FSTL5: variants seen among roughly 807,000 people sequenced by gnomAD.
FSTL5 encodes follistatin-related protein 5.
FSTL5 carries 62 observed loss-of-function variants against 89.1 expected under a neutral mutation model. That is an observed-to-expected ratio of 0.70 (90% CI 0.57 to 0.86). FSTL5 has a LOEUF of 0.86. FSTL5 is among the 40% of genes least tolerant of loss of function. The pLI, the probability that FSTL5 is intolerant of heterozygous loss-of-function variation, is 0.00. For missense variants in FSTL5, 1,057 were observed against 1,001.6 expected, an observed-to-expected ratio of 1.06 and a Z score of -0.75; for synonymous variants, 383 against 346.2, an observed-to-expected ratio of 1.11 and a Z score of -1.18.
At chr4:161,962,403 G>T (rs888980205) in intron 3 of FSTL5, among the ~76,000 whole-genome samples, 1 of 151,956 alleles carries the variant, frequency 6.6e-6, no homozygotes, top group Non-Finnish European at 1.5e-5. Flanking sequence ...GATGGTTCTT[G>T]TTGTGACATC....
intron 4 of FSTL5, among the ~76,000 whole-genome samples, chr4:161,918,964 T>C (rs1469296018): frequency 6.6e-6 from 1 of 152,098 alleles, no homozygotes; most frequent in Non-Finnish European, 1.5e-5. Context: ...TTAAATATTA[T>C]GTGTTTCCAT....
At chr4:162,146,839 G>T (rs1003243969) in intron 1 of FSTL5, among the ~76,000 whole-genome samples, 1 of 151,364 alleles carries the variant, frequency 6.6e-6, no homozygotes. Context: ...CGGGAGTGCA[G>T]TGTGGGATCT....
At chr4:161,451,400 G>T (rs1733158332) in intron 15 of FSTL5, among the ~76,000 whole-genome samples, 1 of 152,096 alleles carries the variant, frequency 6.6e-6, no homozygotes, top group Non-Finnish European at 1.5e-5. Flanking sequence ...AAAATTACAG[G>T]CACAGAAACA....
At chr4:162,158,477 G>A (rs559045514) in intron 1 of FSTL5, among the ~76,000 whole-genome samples, 1 of 152,042 alleles carries the variant, frequency 6.6e-6, no homozygotes, top group Admixed American at 6.6e-5. Context: ...AATAGTCTTG[G>A]GGAAATAATA....
chr4:161,750,441 A>G (rs1001670970), intron 6 of FSTL5, among the ~76,000 whole-genome samples: 2 of 152,172 alleles, frequency 1.3e-5, no homozygotes, highest in African/African-American at 4.8e-5. Flanking sequence ...TATGATAATA[A>G]TATTTTGGAC....
chr4:161,780,367 T>A (rs1288836394), intron 4 of FSTL5, among the ~76,000 whole-genome samples: 3 of 152,028 alleles, frequency 2.0e-5, no homozygotes, highest in African/African-American at 7.2e-5. Context: ...TTTGATAGAA[T>A]CATTTTCTCA....
At chr4:161,481,866 C>CA (rs1267315186) in intron 12 of FSTL5, among the ~76,000 whole-genome samples, 1 of 152,038 alleles carries the variant, frequency 6.6e-6, no homozygotes, top group Non-Finnish European at 1.5e-5. Flanking sequence ...TTCATATTGT[C>CA]AAAAAATGAT....
At position 162,105,614 on chromosome 4, in the gene FSTL5, ATAAT is replaced by A. The variant is rs576619124; in HGVS notation, c.126+5653_126+5656del. Among the ~76,000 whole-genome samples, 689 of 152,150 alleles carry A rather than the reference ATAAT, an allele frequency of 4.5e-3. 1 individual carries two copies. Among genetic ancestry groups the A allele is most frequent in the African/African-American group, 6.2e-3 (257 of 41,546 alleles). On this transcript the variant is annotated intron_variant, in intron 2 of 15. Transcript: ENST00000306100. ...GAAAAAAATAAAAAATTTTTCAAACATAATTTATTTTATTAGAAAAATTATGAGA... is the reference window on the plus strand; with the variant it reads ...GAAAAAAATAAAAAATTTTTCAAACATTATTTTATTAGAAAAATTATGAGA...
intron 15 of FSTL5, among the ~76,000 whole-genome samples, chr4:161,448,189 A>T (rs1052090881): frequency 1.3e-4 from 20 of 152,122 alleles, no homozygotes; most frequent in African/African-American, 4.6e-4. Flanking sequence ...GGATGAAAGG[A>T]GTTAAAACGC....
At chr4:161,555,180 T>C (rs750020588) in intron 8 of FSTL5, among the ~76,000 whole-genome samples, 16 of 151,504 alleles carry the variant, frequency 1.1e-4, no homozygotes, top group Non-Finnish European at 1.9e-4. Flanking sequence ...TCATATGACA[T>C]TGTAAGAAAT....
At chr4:162,007,846 T>A (rs1486293133) in intron 3 of FSTL5, among the ~76,000 whole-genome samples, 1 of 151,836 alleles carries the variant, frequency 6.6e-6, no homozygotes, top group Admixed American at 6.6e-5. Flanking sequence ...GAGCTGAGCA[T>A]GAAACAATCT....
chr4:161,413,621 T>C (rs1055754971), intron 15 of FSTL5, among the ~76,000 whole-genome samples: 1 of 152,114 alleles, frequency 6.6e-6, no homozygotes, highest in Non-Finnish European at 1.5e-5. Flanking sequence ...AGACATGAAC[T>C]CATATGTTTA....
chr4:162,091,994 A>G (rs1730568117), intron 2 of FSTL5, among the ~76,000 whole-genome samples: 1 of 151,594 alleles, frequency 6.6e-6, no homozygotes, highest in African/African-American at 2.4e-5. Context: ...ATATAAATAT[A>G]GAATTCTATA....
At chr4:161,765,440 T>C (rs1740959583) in intron 5 of FSTL5, among the ~76,000 whole-genome samples, 1 of 152,206 alleles carries the variant, frequency 6.6e-6, no homozygotes, top group Admixed American at 6.5e-5. Flanking sequence ...AATCAGAACC[T>C]TTTTACAAAT....
At chr4:161,466,422 C>T (rs554009159) in intron 13 of FSTL5, among the ~76,000 whole-genome samples, 9 of 152,234 alleles carry the variant, frequency 5.9e-5, no homozygotes, top group Non-Finnish European at 8.8e-5. Flanking sequence ...CATGAAGGAA[C>T]AGTGAAGCAC....
intron 4 of FSTL5, among the ~76,000 whole-genome samples, chr4:161,888,613 G>A (rs546267535): frequency 6.6e-6 from 1 of 152,182 alleles, no homozygotes; most frequent in Admixed American, 6.5e-5. Flanking sequence ...TAATGCAAAT[G>A]CTGTCTTTAT....
intron 3 of FSTL5, among the ~76,000 whole-genome samples, chr4:161,925,605 G>T (rs981426093): frequency 3.3e-5 from 5 of 151,886 alleles, no homozygotes; most frequent in Non-Finnish European, 5.9e-5. Flanking sequence ...CAGTAATAAT[G>T]ATATCATGTG....
intron 6 of FSTL5, among the ~76,000 whole-genome samples, chr4:161,746,371 A>T (rs1265098092): frequency 6.6e-6 from 1 of 151,980 alleles, no homozygotes; most frequent in Non-Finnish European, 1.5e-5. Flanking sequence ...GATTTACCCA[A>T]CTCCACTTGT....
chr4:161,457,551 T>A (rs1318235804), intron 14 of FSTL5, among the ~76,000 whole-genome samples: 1 of 152,114 alleles, frequency 6.6e-6, no homozygotes, highest in East Asian at 1.9e-4. Context: ...GGGAAAGTTG[T>A]TAATCTATCC....
Sources: gnomAD v4.1 joint callset for allele counts (sites outside exome capture counted in the v4.1 genomes callset) on GRCh38, gnomAD v4.1.1 for gene constraint, MANE v1.5 for transcripts, NCBI Gene and HGNC (gene_info 2026-07-23, HGNC 2026-07-21) for gene names.